The following LDLRAD3 variants were observed in gnomAD, a reference collection of about 807,000 sequenced individuals.
LDLRAD3 encodes low-density lipoprotein receptor class A domain-containing protein 3.
LDLRAD3 carries 20 observed loss-of-function variants against 29.4 expected under a neutral mutation model. The observed-to-expected ratio is 0.68, with a 90% CI of 0.48 to 0.99. The LOEUF is 0.99. Among genes scored for constraint, LDLRAD3 ranks in the 50% least tolerant of loss-of-function variants. The pLI, the probability that LDLRAD3 is intolerant of heterozygous loss-of-function variation, is 0.00. For synonymous variants in LDLRAD3, 157 were observed against 192.7 expected (o/e 0.81, Z 1.53); for missense variants, 420 against 454.3 (o/e 0.92, Z 0.69).
At chr11:36,131,479 A>G (rs891254044) in intron 4 of LDLRAD3, among the ~76,000 whole-genome samples, 30 of 152,376 alleles carry the variant, frequency 2.0e-4, no homozygotes, top group Admixed American at 9.8e-4. Context: ...CTTTGGGGCT[A>G]GAATACATTA....
At chr11:36,013,525 T>G (rs749886275) in intron 1 of LDLRAD3, among the ~76,000 whole-genome samples, 13 of 151,380 alleles carry the variant, frequency 8.6e-5, no homozygotes, top group Non-Finnish European at 1.3e-4. Flanking sequence ...TTCTCATTGT[T>G]CAACTCCCAC....
chr11:36,179,276 C>A (rs187757185), intron 4 of LDLRAD3, among the ~76,000 whole-genome samples: 3 of 152,224 alleles, frequency 2.0e-5, no homozygotes, highest in Admixed American at 2.0e-4. Context: ...GAGTTAGAGA[C>A]CAGCCTGGCT....
intron 1 of LDLRAD3, among the ~76,000 whole-genome samples, chr11:35,956,988 G>A (rs972940102): frequency 6.6e-6 from 1 of 152,194 alleles, no homozygotes. Flanking sequence ...GCCTGTCTCG[G>A]CCTCCCAAAG....
intron 4 of LDLRAD3, among the ~76,000 whole-genome samples, chr11:36,151,745 C>T (rs1200285007): frequency 6.6e-6 from 1 of 152,136 alleles, no homozygotes; most frequent in Admixed American, 6.5e-5. Context: ...GTAGTAGAGA[C>T]CCTGGCGCTA....
intron 3 of LDLRAD3, among the ~76,000 whole-genome samples, chr11:36,089,431 ATTT>A (rs34553102): frequency 1.9e-3 from 275 of 146,204 alleles, no homozygotes; most frequent in African/African-American, 2.8e-3. Flanking sequence ...TTCCCAATAC[ATTT>A]TTTTTTTTTT....
At chr11:35,995,341 A>C (rs757874001) in intron 1 of LDLRAD3, among the ~76,000 whole-genome samples, 2 of 152,222 alleles carry the variant, frequency 1.3e-5, no homozygotes, top group African/African-American at 2.4e-5. Flanking sequence ...ACTGAGCAGT[A>C]ATATTTTGAA....
chr11:36,147,281 C>A (rs1272986587), intron 4 of LDLRAD3, among the ~76,000 whole-genome samples: 1 of 151,070 alleles, frequency 6.6e-6, no homozygotes, highest in African/African-American at 2.4e-5. Flanking sequence ...CCACACCCAG[C>A]TAATTTTTTT....
intron 4 of LDLRAD3, among the ~76,000 whole-genome samples, chr11:36,123,243 G>A (rs1853786609): frequency 6.6e-6 from 1 of 152,202 alleles, no homozygotes; most frequent in Non-Finnish European, 1.5e-5. Flanking sequence ...GTATTCAGCA[G>A]ATACTTTCAA....
chr11:36,056,886 T>G (rs540129829), intron 2 of LDLRAD3, among the ~76,000 whole-genome samples: 7 of 152,228 alleles, frequency 4.6e-5, no homozygotes, highest in Non-Finnish European at 8.8e-5. Context: ...GTCCAGAGCT[T>G]TTCAAACTTT....
intron 4 of LDLRAD3, among the ~76,000 whole-genome samples, chr11:36,178,437 G>A (rs1050526946): frequency 2.0e-5 from 3 of 152,116 alleles, no homozygotes; most frequent in South Asian, 2.1e-4. Flanking sequence ...TCATTCCGTC[G>A]TACGCCAAAT....
chr11:36,199,055 C>G (rs1368559284), intron 4 of LDLRAD3, among the ~76,000 whole-genome samples: 1 of 152,152 alleles, frequency 6.6e-6, no homozygotes, highest in East Asian at 1.9e-4. Flanking sequence ...CGCCTGCCAC[C>G]TCGCCCGGCT....
At chr11:36,100,289 T>C (rs1339431638) in intron 4 of LDLRAD3, among the ~76,000 whole-genome samples, 1 of 152,228 alleles carries the variant, frequency 6.6e-6, no homozygotes, top group Non-Finnish European at 1.5e-5. Flanking sequence ...AACGTATTGC[T>C]GGCCTTTACA....
chr11:36,029,009 C>T (rs1471936723), intron 1 of LDLRAD3, among the ~76,000 whole-genome samples: 1 of 152,180 alleles, frequency 6.6e-6, no homozygotes, highest in Non-Finnish European at 1.5e-5. Context: ...CTTTGGGAGG[C>T]CGAGGCAGGC....
intron 4 of LDLRAD3, among the ~76,000 whole-genome samples, chr11:36,148,051 A>G (rs1434369886): frequency 6.6e-6 from 1 of 152,032 alleles, no homozygotes; most frequent in Non-Finnish European, 1.5e-5. Context: ...TTGTATTGTT[A>G]GTAGAGACGG....
Position 36,213,113 on chromosome 11 carries a change from C to G in LDLRAD3, c.455-13972C>G, listed in dbSNP as rs1311724375. Among the ~76,000 whole-genome samples the G allele has an allele frequency of 5.3e-5, 8 of 151,334 alleles. No individual in the cohort carries two copies. The highest frequency in any genetic ancestry group is 1.9e-4 in the African/African-American group (8 of 41,056). ...CCTCCCTGTTCCTCTTCCACTCCCC[C>G]TCCCCTTGCTTTCCCTCCCTCTCAT... On this transcript the variant is annotated intron_variant, in intron 4 of 5. Transcript: ENST00000315571. The surrounding 1 kb of genome is among the most constrained non-coding windows in gnomAD (Gnocchi z 4.1).
At chr11:36,223,986 T>C (rs950779067) in intron 4 of LDLRAD3, among the ~76,000 whole-genome samples, 5 of 151,510 alleles carry the variant, frequency 3.3e-5, no homozygotes, top group African/African-American at 1.2e-4. Context: ...ACGTTAATAA[T>C]GTGTATGAAT....
intron 3 of LDLRAD3, among the ~76,000 whole-genome samples, chr11:36,091,781 A>T (rs1459858394): frequency 6.6e-6 from 1 of 152,250 alleles, no homozygotes; most frequent in Non-Finnish European, 1.5e-5. Flanking sequence ...AGCACGTTAA[A>T]TATGGCTAAA....
rs537716962 is a variant in LDLRAD3 at position 35,973,479 on chromosome 11, G to A, written c.46+29335G>A. Among the ~76,000 whole-genome samples the A allele has an allele frequency of 1.2e-3, 177 of 151,986 alleles. 1 individual carries two copies. Among genetic ancestry groups the A allele is most frequent in the African/African-American group, 3.9e-3 (162 of 41,446 alleles). ...GTTTGTTTGTTTTGTTTTTTTTGAG[G>A]TGTAGTCTTACTCTGTCTCCCAGGC... On this transcript the variant is annotated intron_variant, in intron 1 of 5. Transcript: ENST00000315571.
chr11:36,126,251 C>T (rs2133301040), intron 4 of LDLRAD3, among the ~76,000 whole-genome samples: 1 of 152,258 alleles, frequency 6.6e-6, no homozygotes, highest in East Asian at 1.9e-4. Context: ...CTCTGCTGGC[C>T]TCTCAAGGGC....
Sources: allele counts gnomAD v4.1 joint callset (sites outside exome capture counted in the v4.1 genomes callset), GRCh38; gene constraint gnomAD v4.1.1; non-coding constraint Gnocchi (gnomAD v3.1); transcripts MANE v1.5; gene names NCBI Gene and HGNC (gene_info 2026-07-23, HGNC 2026-07-21).